C9orf40: variants seen among roughly 807,000 people sequenced by gnomAD.
C9orf40 encodes uncharacterized protein C9orf40.
In C9orf40, 2 loss-of-function variants were observed where a neutral mutation model predicts 7.9. The ratio of observed to expected loss-of-function variants is 0.25; its 90% CI spans 0.10 to 0.80. The LOEUF (loss-of-function observed/expected upper bound fraction) is 0.80, where lower values mean the gene tolerates loss of function less well. Among genes scored for constraint, C9orf40 ranks in the 30% least tolerant of loss-of-function variants. The probability of loss-of-function intolerance (pLI) is 0.68; values close to 1 mark genes in which losing one functional copy is unlikely to be tolerated. For missense variants in C9orf40, 256 were observed against 268.5 expected (o/e 0.95, Z 0.33); for synonymous variants, 113 against 117.6 (o/e 0.96, Z 0.25).
rs1399867164 is a variant in C9orf40, at chr9:74,952,854, G to A, written c.-243C>T. 8.5e-6 allele frequency: 4 copies of A among 472,330 alleles called. No individual in the cohort carries two copies. The highest frequency in any genetic ancestry group is 3.6e-5 in the South Asian group (1 of 27,906). 29.3% of individuals were successfully genotyped at this position (472,330 alleles called of 1,614,324 possible). On this transcript the variant is annotated 5_prime_UTR_variant, in exon 1 of 2. Coordinates refer to ENST00000376854, the MANE Select transcript of C9orf40 (RefSeq NM_017998.3). The surrounding 1 kb of genome is among the most constrained non-coding windows in gnomAD (Gnocchi z 5.4). ...CGCCGAGATGCGGCCCGGACGTTGAGAAGCAACCGCGAAGCGGCGGAGATT... is the reference window on the plus strand; with the variant it reads ...CGCCGAGATGCGGCCCGGACGTTGAAAAGCAACCGCGAAGCGGCGGAGATT...
intron 1 of C9orf40, among the ~76,000 whole-genome samples, chr9:74,949,139 G>A (rs2118676126): frequency 6.6e-6 from 1 of 152,216 alleles, no homozygotes; most frequent in East Asian, 1.9e-4. Context: ...TTCAGGCTTG[G>A]CATAGTAATT....
chr9:74,950,702 A>G (rs923891828), intron 1 of C9orf40, among the ~76,000 whole-genome samples: 2 of 152,118 alleles, frequency 1.3e-5, no homozygotes, highest in African/African-American at 4.8e-5. Context: ...TTGGAAAGGT[A>G]TTTGAAAACC....
In C9orf40 at chr9:74,952,661, G is replaced by A. The variant is rs1313442005; in HGVS notation, c.-50C>T. On this transcript the variant is annotated 5_prime_UTR_variant, in exon 1 of 2. Coordinates refer to ENST00000376854, the MANE Select transcript of C9orf40 (RefSeq NM_017998.3). The surrounding 1 kb of genome is among the most constrained non-coding windows in gnomAD (Gnocchi z 5.4). ...CGCCAGGCGCGGGAGACCGAGTGCC[G>A]ATAGCTGCGGGGGGCGAAGAGCGAG... The A allele has an allele frequency of 4.8e-6, 7 of 1,469,960 alleles. No homozygotes were observed. Among genetic ancestry groups the A allele is most frequent in the African/African-American group, 1.4e-5 (1 of 69,738 alleles). 91.1% of individuals were successfully genotyped at this position (1,469,960 alleles called of 1,614,324 possible).
In C9orf40 at chr9:74,946,645, A is replaced by G. The variant is rs943120500; in HGVS notation, c.*1403T>C. 1 of 152,172 alleles carries G rather than the reference A, an allele frequency of 6.6e-6. No individual in the cohort carries two copies. Among genetic ancestry groups the G allele is most frequent in the Non-Finnish European group, 1.5e-5 (1 of 68,010 alleles). The allele number at this position is 152,172 out of a possible 1,614,324, so 9.4% of individuals were successfully genotyped here. A position where few individuals can be genotyped will look rare whatever the true frequency, so the allele number is the denominator to read the frequency against. ...TGAGAAATTTGAGGCTTGGAGATGA[A>G]AAATAACTGGCTTAAAGATACATAG... On this transcript the variant is annotated 3_prime_UTR_variant, in exon 2 of 2. Transcript: ENST00000376854.
At position 74,952,856 on chromosome 9, in the gene C9orf40, A is replaced by T. The variant is rs1832325408; in HGVS notation, c.-245T>A. The T allele has an allele frequency of 1.3e-5, 6 of 470,178 alleles. No homozygotes were observed. The South Asian group carries it at 2.2e-4, about 17-fold the overall frequency. 29.1% of individuals were successfully genotyped at this position (470,178 alleles called of 1,614,324 possible). On this transcript the variant is annotated 5_prime_UTR_variant, in exon 1 of 2. Transcript: ENST00000376854. This position sits in a 1 kb window ranked among gnomAD's most constrained non-coding sequence, Gnocchi z 5.4. Reference sequence around the variant, plus strand: ...CCGAGATGCGGCCCGGACGTTGAGAAGCAACCGCGAAGCGGCGGAGATTCG... The same window carrying T: ...CCGAGATGCGGCCCGGACGTTGAGATGCAACCGCGAAGCGGCGGAGATTCG...
intron 1 of C9orf40, among the ~76,000 whole-genome samples, chr9:74,949,304 C>G (rs1262123248): frequency 6.6e-6 from 1 of 152,062 alleles, no homozygotes; most frequent in Admixed American, 6.6e-5. Context: ...GCAGAAGGAT[C>G]GCTTGAGCCC....
Position 74,952,126 on chromosome 9 carries a change from G to A in C9orf40, c.426+60C>T, listed in dbSNP as rs1308702362. The A allele has an allele frequency of 8.5e-6, 5 of 585,928 alleles. No homozygotes were observed. Among genetic ancestry groups the A allele is most frequent in the Admixed American group, 8.0e-5 (2 of 25,150 alleles). 36.3% of individuals were successfully genotyped at this position (585,928 alleles called of 1,614,324 possible). A position where few individuals can be genotyped will look rare whatever the true frequency, so the allele number is the denominator to read the frequency against. On this transcript the variant is annotated intron_variant, in intron 1 of 1. Transcript: ENST00000376854. The surrounding 1 kb of genome is among the most constrained non-coding windows in gnomAD (Gnocchi z 5.4). ...TCATGAGTGGGAACCGGGGCGTTTT[G>A]TGTGTGTGGGGAAAAGGCAAGCCCC...
chr9:74,950,146 G>A (rs1832281172), intron 1 of C9orf40, among the ~76,000 whole-genome samples: 1 of 152,198 alleles, frequency 6.6e-6, no homozygotes, highest in African/African-American at 2.4e-5. Context: ...GAGAACAAGG[G>A]TAGTCTTGGT....
Position 74,952,161 on chromosome 9 carries a change from C to CA in C9orf40, c.426+24dup. The CA allele has an allele frequency of 3.5e-5, 14 of 399,984 alleles. No individual in the cohort carries two copies. Among genetic ancestry groups the CA allele is most frequent in the Non-Finnish European group, 4.4e-5 (11 of 247,950 alleles). 24.8% of individuals were successfully genotyped at this position (399,984 alleles called of 1,614,324 possible). On this transcript the variant is annotated intron_variant, in intron 1 of 1. Transcript: ENST00000376854. This position sits in a 1 kb window ranked among gnomAD's most constrained non-coding sequence, Gnocchi z 5.4. ...GGAAAAGGCAAGCCCCTTCGCCCCT[C>CA]AGCCCACCCGCCCCCAGCCCCTACC...
rs1832250008 is a variant in C9orf40 at position 74,947,191 on chromosome 9, T to C, written c.*857A>G. On this transcript the variant is annotated 3_prime_UTR_variant, in exon 2 of 2. Coordinates refer to ENST00000376854, the MANE Select transcript of C9orf40 (RefSeq NM_017998.3). ...GAAACAGGACAGGTGTTTAAAAAAA[T>C]AGTTATATCCAAGACCCACCTCAGA... is the stretch of plus-strand genomic sequence containing the variant. 1 of 152,620 alleles carries C rather than the reference T, an allele frequency of 6.6e-6. No homozygotes were observed. Among genetic ancestry groups the C allele is most frequent in the African/African-American group, 2.4e-5 (1 of 41,442 alleles). The allele number at this position is 152,620 out of a possible 1,614,324, so 9.5% of individuals were successfully genotyped here. A position where few individuals can be genotyped will look rare whatever the true frequency, so the allele number is the denominator to read the frequency against.
intron 1 of C9orf40, among the ~76,000 whole-genome samples, chr9:74,950,636 A>G (rs1832285557): frequency 6.6e-6 from 1 of 151,914 alleles, no homozygotes; most frequent in African/African-American, 2.4e-5. Flanking sequence ...AACTCTCGTT[A>G]TTTTATTGGA....
chr9:74,950,105 A>G (rs1307844761), intron 1 of C9orf40, among the ~76,000 whole-genome samples: 1 of 152,168 alleles, frequency 6.6e-6, no homozygotes, highest in Non-Finnish European at 1.5e-5. Flanking sequence ...TGGGAGCGAG[A>G]CCCCAAGACC....
rs369913991 is a variant in C9orf40 at position 74,948,036 on chromosome 9, C to T, written c.*12G>A. Reference sequence around the variant, plus strand: ...CTCAAATCAGCCAATCCCACTGCTTCGGCTCCTTACATCAGGACTCCATGT... The same window carrying T: ...CTCAAATCAGCCAATCCCACTGCTTTGGCTCCTTACATCAGGACTCCATGT... On this transcript the variant is annotated 3_prime_UTR_variant, in exon 2 of 2. Transcript: ENST00000376854. 1.3e-5 allele frequency: 21 copies of T among 1,610,348 alleles called. No individual in the cohort carries two copies. Among genetic ancestry groups the T allele is most frequent in the South Asian group, 4.4e-5 (4 of 90,398 alleles).
In C9orf40 at chr9:74,952,486, A is replaced by C; in HGVS notation, c.126T>G (p.His42Gln). The change falls in exon 1 of 2, where the codon CAT becomes CAG. Residue 42 changes from histidine to glutamine, a missense_variant. Physicochemically the swap from His to Gln is conservative, Grantham distance 24 (BLOSUM62 0). Transcript: ENST00000376854. The surrounding 1 kb of genome is among the most constrained non-coding windows in gnomAD (Gnocchi z 5.4). ...CTGGGACGCCGAGGAGCTGCCCAGC[A>C]TGCGCGACCCCGGGCGGCCGGATCC... ...PLWIRPPGVA[H>Q]AGQLLGVPEQ... 6.3e-7 allele frequency: 1 copy of C among 1,597,218 alleles called. No individual in the cohort carries two copies. The highest frequency in any genetic ancestry group is 8.5e-7 in the Non-Finnish European group (1 of 1,178,306).
At chr9:74,949,433 A>C (rs1203472450) in intron 1 of C9orf40, among the ~76,000 whole-genome samples, 1 of 152,214 alleles carries the variant, frequency 6.6e-6, no homozygotes, top group African/African-American at 2.4e-5. Flanking sequence ...ACATAGTGAC[A>C]CTAACATGAA....
chr9:74,952,897 T>TGC lies in C9orf40; in HGVS notation c.-288_-287dup, dbSNP rs1197119060. ...CGGAGATTCGAACCTGCGCACAACG[T>TGC]GCGCGCGCGCACTCTGTCTGGCCAG... On this transcript the variant is annotated 5_prime_UTR_variant, in exon 1 of 2. Transcript: ENST00000376854. The surrounding 1 kb of genome is among the most constrained non-coding windows in gnomAD (Gnocchi z 5.4). The TGC allele has an allele frequency of 1.0e-5, 4 of 398,240 alleles. No homozygotes were observed. Among genetic ancestry groups the TGC allele is most frequent in the Non-Finnish European group, 1.4e-5 (3 of 222,030 alleles). 24.7% of individuals were successfully genotyped at this position (398,240 alleles called of 1,614,324 possible). A position where few individuals can be genotyped will look rare whatever the true frequency, so the allele number is the denominator to read the frequency against.
At position 74,952,601 on chromosome 9, in the gene C9orf40, CG is replaced by C; in HGVS notation, c.10del (p.Arg4GlyfsTer7). 6.4e-7 allele frequency: 1 copy of C among 1,566,568 alleles called. No homozygotes were observed. The highest frequency in any genetic ancestry group is 8.6e-7 in the Non-Finnish European group (1 of 1,166,724). On this transcript the variant is annotated frameshift_variant, in exon 1 of 2. Coordinates refer to ENST00000376854, the MANE Select transcript of C9orf40 (RefSeq NM_017998.3). LOFTEE classifies it high-confidence loss of function. The surrounding 1 kb of genome is among the most constrained non-coding windows in gnomAD (Gnocchi z 5.4). ...GAACGTCACCGGCTCGGCCGCACGCCGCTTGGCCATGGGCCCAGAGGCTCGG... is the reference window on the plus strand; with the variant it reads ...GAACGTCACCGGCTCGGCCGCACGCCCTTGGCCATGGGCCCAGAGGCTCGG... MAK[R>X]RAAEPVTFHV...
In C9orf40 at chr9:74,952,740, C is replaced by T. The variant is rs1832322609; in HGVS notation, c.-129G>A. On this transcript the variant is annotated 5_prime_UTR_variant, in exon 1 of 2. Coordinates refer to ENST00000376854, the MANE Select transcript of C9orf40 (RefSeq NM_017998.3). The surrounding 1 kb of genome is among the most constrained non-coding windows in gnomAD (Gnocchi z 5.4). ...GAAGTCGGGCGAGGAGGCGACAGGA[C>T]GCTGGAGGGGGTAGGGCGGGGCAGC... 7 of 836,092 alleles carry T rather than the reference C, an allele frequency of 8.4e-6. No homozygotes were observed. The East Asian group carries it at 1.8e-4, about 21-fold the overall frequency. The allele number at this position is 836,092 out of a possible 1,614,324, so 51.8% of individuals were successfully genotyped here. A position where few individuals can be genotyped will look rare whatever the true frequency, so the allele number is the denominator to read the frequency against.
chr9:74,951,757 A>G (rs1272847696), intron 1 of C9orf40, among the ~76,000 whole-genome samples: 1 of 152,230 alleles, frequency 6.6e-6, no homozygotes, highest in Admixed American at 6.5e-5. Context: ...CCCTCTAGAA[A>G]AAGAACTCTA....
Sources: allele counts gnomAD v4.1 joint callset (sites outside exome capture counted in the v4.1 genomes callset), GRCh38; gene constraint gnomAD v4.1.1; non-coding constraint Gnocchi (gnomAD v3.1); transcripts MANE v1.5; gene names NCBI Gene and HGNC (gene_info 2026-07-23, HGNC 2026-07-21).